TUBGCP3: variants seen among roughly 807,000 people sequenced by gnomAD.
TUBGCP3 encodes tubulin gamma complex component 3, also known as gamma-tubulin complex component 3.
Under a neutral mutation model 123.1 loss-of-function variants are expected in TUBGCP3, and 50 were observed. The observed-to-expected ratio is 0.41, with a 90% CI of 0.32 to 0.51. The LOEUF is 0.51. Ranked by LOEUF, TUBGCP3 falls within the 20% of genes least tolerant of loss-of-function variation. The pLI is 0.36. For missense variants in TUBGCP3, 882 were observed against 1,127.0 expected (o/e 0.78, Z 3.11); for synonymous variants, 405 against 413.9 (o/e 0.98, Z 0.26).
chr13:112,588,019 G>C lies in TUBGCP3; in HGVS notation c.-39C>G. 1 of 1,403,714 alleles carries C rather than the reference G, an allele frequency of 7.1e-7. No individual in the cohort carries two copies. 87.0% of individuals were successfully genotyped at this position (1,403,714 alleles called of 1,614,324 possible). On this transcript the variant is annotated 5_prime_UTR_variant, in exon 1 of 22. Transcript: ENST00000261965. The stretch of plus-strand genomic sequence containing the variant: ...CGTGCACGGTGGTCCGGGCAGAGCC[G>C]CCACTGCCGCCGCACGCGCAGGGAC...
chr13:112,542,226 A>G (rs994418352), intron 11 of TUBGCP3, among the ~76,000 whole-genome samples: 7 of 152,238 alleles, frequency 4.6e-5, no homozygotes, highest in Non-Finnish European at 1.0e-4. Context: ...TAAACTAATT[A>G]AATAACAAAT....
At position 112,508,775 on chromosome 13, in the gene TUBGCP3, C is replaced by T. The variant is rs1881470050; in HGVS notation, c.2087-4061G>A. ...CTGGGTGGTAAAAGATGCCACCACC[C>T]ACCAGGTCCTCAAGTCAGAGACCCA... On this transcript the variant is annotated intron_variant, in intron 17 of 21. Transcript: ENST00000261965. This position sits in a 1 kb window ranked among gnomAD's most constrained non-coding sequence, Gnocchi z 4.2. Among the ~76,000 whole-genome samples the T allele has an allele frequency of 1.3e-5, 2 of 152,114 alleles. No individual in the cohort carries two copies. Among genetic ancestry groups the T allele is most frequent in the South Asian group, 2.1e-4 (1 of 4,822 alleles).
At chr13:112,531,280 C>A (rs141693562) in intron 11 of TUBGCP3, among the ~76,000 whole-genome samples, 1 of 152,190 alleles carries the variant, frequency 6.6e-6, no homozygotes, top group Non-Finnish European at 1.5e-5. Context: ...AATGTCTTAT[C>A]TTTAAGTATC....
chr13:112,547,900 T>C (rs1879202493), intron 9 of TUBGCP3, 148 bp from the exon 10 acceptor site: 3 of 1,111,482 alleles, frequency 2.7e-6, no homozygotes, highest in Admixed American at 3.3e-5. Context: ...ATTTTAAAGC[T>C]ACCTTTAACC....
At chr13:112,544,659 C>T (rs1197285719) in intron 11 of TUBGCP3, 1 of 152,040 alleles carries the variant, frequency 6.6e-6, no homozygotes, top group Admixed American at 6.6e-5. Flanking sequence ...TCTGTCCCTA[C>T]TGTGAAATAA....
rs1337609294 is a variant in TUBGCP3, at chr13:112,567,002, C to G, written c.185-1824G>C. 3.3e-5 allele frequency among the ~76,000 whole-genome samples: 5 copies of G among 152,250 alleles called. 1 individual carries two copies. In the South Asian group the frequency reaches 1.0e-3, roughly 31 times the overall value. On this transcript the variant is annotated intron_variant, in intron 2 of 21. Transcript: ENST00000261965. ...GCAGAGCTACCATAACTCAACTGAT[C>G]TATCAACAACTGTAATCAAATTTCA...
intron 11 of TUBGCP3, among the ~76,000 whole-genome samples, chr13:112,537,525 A>AT (rs1878163996): frequency 6.6e-6 from 1 of 152,120 alleles, no homozygotes; most frequent in African/African-American, 2.4e-5. Flanking sequence ...TCCTTCTACT[A>AT]TGCTGATGAA....
At chr13:112,556,893 A>G (rs1051218217) in intron 5 of TUBGCP3, among the ~76,000 whole-genome samples, 2 of 152,230 alleles carry the variant, frequency 1.3e-5, no homozygotes, top group African/African-American at 4.8e-5. Flanking sequence ...TGACAGGTGC[A>G]ACAAAAATAT....
intron 18 of TUBGCP3, 95 bp downstream of exon 18, chr13:112,504,531 T>TAC: frequency 1.2e-6 from 1 of 844,162 alleles, no homozygotes; most frequent in Non-Finnish European, 1.8e-6. Context: ...CACATATATA[T>TAC]ACACACATAC....
At chr13:112,531,573 A>G (rs1369740478) in intron 11 of TUBGCP3, among the ~76,000 whole-genome samples, 2 of 152,206 alleles carry the variant, frequency 1.3e-5, no homozygotes, top group Admixed American at 1.3e-4. Context: ...TTCTACAGAC[A>G]ACACACTAAT....
chr13:112,589,746 A>C (rs1178480813), upstream of TUBGCP3, among the ~76,000 whole-genome samples: 1 of 152,240 alleles, frequency 6.6e-6, no homozygotes, highest in Non-Finnish European at 1.5e-5. Context: ...ACACTCAAAA[A>C]AGCAAGATAA....
chr13:112,581,666 G>A (rs1302001540), intron 1 of TUBGCP3, among the ~76,000 whole-genome samples: 1 of 151,980 alleles, frequency 6.6e-6, no homozygotes, highest in Non-Finnish European at 1.5e-5. Flanking sequence ...GGCTGGTCTC[G>A]AACTCCTGGG....
Position 112,490,760 on chromosome 13 carries a change from T to C in TUBGCP3, c.2449-1063A>G, listed in dbSNP as rs184917816. ...AGGGTATCAGCTTCGTGATTCTTCT[T>C]ACACAATTTAGAAACTTGGAACAGT... On this transcript the variant is annotated intron_variant, in intron 20 of 21. Coordinates refer to ENST00000261965, the MANE Select transcript of TUBGCP3 (RefSeq NM_006322.6). Among the ~76,000 whole-genome samples the C allele has an allele frequency of 2.4e-4, 36 of 152,370 alleles. 1 individual carries two copies. The highest frequency in any genetic ancestry group is 2.3e-3 in the Admixed American group (35 of 15,310).
intron 20 of TUBGCP3, among the ~76,000 whole-genome samples, chr13:112,494,909 C>T (rs1880427167): frequency 6.6e-6 from 1 of 152,192 alleles, no homozygotes; most frequent in Non-Finnish European, 1.5e-5. Flanking sequence ...CCTTTCTTAA[C>T]TGAATTACTA....
intron 17 of TUBGCP3, among the ~76,000 whole-genome samples, chr13:112,512,799 G>A (rs927565832): frequency 6.6e-5 from 10 of 152,164 alleles, no homozygotes; most frequent in African/African-American, 2.2e-4. Context: ...GACCATTTCA[G>A]AGAATTAACA....
In TUBGCP3 at chr13:112,491,895, G is replaced by A. The variant is rs79888615; in HGVS notation, c.2449-2198C>T. On this transcript the variant is annotated intron_variant, in intron 20 of 21. Coordinates refer to ENST00000261965, the MANE Select transcript of TUBGCP3 (RefSeq NM_006322.6). The stretch of plus-strand genomic sequence containing the variant: ...CAAGCAAACACCATCCTCTACTGAG[G>A]AGCTTTTTCTTTCATTATGTGGGTT... Among the ~76,000 whole-genome samples the A allele has an allele frequency of 3.9e-3, 592 of 152,324 alleles. 1 individual carries two copies. Among genetic ancestry groups the A allele is most frequent in the Non-Finnish European group, 6.4e-3 (437 of 68,034 alleles).
intron 1 of TUBGCP3, among the ~76,000 whole-genome samples, chr13:112,572,938 A>G (rs1881530541): frequency 1.3e-5 from 2 of 152,142 alleles, no homozygotes; most frequent in South Asian, 4.1e-4. Flanking sequence ...GTAAAGGACA[A>G]TAAGATGACG....
chr13:112,557,551 G>A (rs1255084573), intron 5 of TUBGCP3, among the ~76,000 whole-genome samples: 6 of 152,148 alleles, frequency 3.9e-5, no homozygotes, highest in Non-Finnish European at 8.8e-5. Flanking sequence ...AAAGCCACCC[G>A]TTTATCTACA....
At chr13:112,507,662 T>C (rs1464511943) in intron 17 of TUBGCP3, among the ~76,000 whole-genome samples, 1 of 152,216 alleles carries the variant, frequency 6.6e-6, no homozygotes, top group Non-Finnish European at 1.5e-5. Context: ...CCTGCATTTC[T>C]GAGGCTTCCT....
Sources: allele counts gnomAD v4.1 joint callset (sites outside exome capture counted in the v4.1 genomes callset), GRCh38; gene constraint gnomAD v4.1.1; non-coding constraint Gnocchi (gnomAD v3.1); transcripts MANE v1.5; gene names NCBI Gene and HGNC (gene_info 2026-07-23, HGNC 2026-07-21).